Variants in KIF16B observed in about 807,000 individuals in gnomAD.
The protein encoded by KIF16B is kinesin-like protein KIF16B.
In KIF16B, 98 loss-of-function variants were observed where a neutral mutation model predicts 156.3. The ratio of observed to expected loss-of-function variants is 0.63; its 90% CI spans 0.53 to 0.74. KIF16B has a LOEUF of 0.74. Ranked by LOEUF, KIF16B falls within the 30% of genes least tolerant of loss-of-function variation. KIF16B has a pLI of 0.00. For synonymous variants in KIF16B, 564 were observed against 583.7 expected, an observed-to-expected ratio of 0.97 and a Z score of 0.49; for missense variants, 1,421 against 1,606.5, an observed-to-expected ratio of 0.88 and a Z score of 1.97.
chr20:16,467,920 T>G (rs1467569031), intron 12 of KIF16B, among the ~76,000 whole-genome samples: 1 of 152,072 alleles, frequency 6.6e-6, no homozygotes, highest in Non-Finnish European at 1.5e-5. Context: ...AATGCTCAAT[T>G]AAAACCATAA....
intron 19 of KIF16B, among the ~76,000 whole-genome samples, chr20:16,378,123 G>A (rs1284192494): frequency 6.6e-6 from 1 of 152,164 alleles, no homozygotes; most frequent in Non-Finnish European, 1.5e-5. Context: ...ACATGTTGCA[G>A]AAATCAGTAG....
At chr20:16,294,349 G>A (rs2063353508) in intron 25 of KIF16B, among the ~76,000 whole-genome samples, 2 of 152,170 alleles carry the variant, frequency 1.3e-5, no homozygotes, top group Admixed American at 1.3e-4. Flanking sequence ...GCAGTATTGA[G>A]GAGTAATGGT....
At chr20:16,499,291 C>A (rs547480107) in intron 10 of KIF16B, among the ~76,000 whole-genome samples, 6 of 152,310 alleles carry the variant, frequency 3.9e-5, no homozygotes, top group African/African-American at 7.2e-5. Context: ...GCTATGGTTT[C>A]TCAGCTGATA....
intron 10 of KIF16B, among the ~76,000 whole-genome samples, chr20:16,500,783 T>G (rs1285828034): frequency 6.6e-6 from 1 of 152,226 alleles, no homozygotes; most frequent in Non-Finnish European, 1.5e-5. Flanking sequence ...ATGTGTCTTC[T>G]TTAAAAGTTT....
At chr20:16,324,672 C>G (rs959724326) in intron 24 of KIF16B, among the ~76,000 whole-genome samples, 1 of 151,850 alleles carries the variant, frequency 6.6e-6, no homozygotes, top group African/African-American at 2.4e-5. Context: ...AGATCTGGTG[C>G]TTTACACTAA....
chr20:16,556,651 G>A (rs1200476571), intron 1 of KIF16B, among the ~76,000 whole-genome samples: 1 of 152,076 alleles, frequency 6.6e-6, no homozygotes, highest in African/African-American at 2.4e-5. Context: ...GGCCCTATAT[G>A]AGCCACACTT....
At chr20:16,523,968 C>A (rs554510453) in intron 3 of KIF16B, among the ~76,000 whole-genome samples, 3 of 152,202 alleles carry the variant, frequency 2.0e-5, no homozygotes, top group South Asian at 4.2e-4. Context: ...AACTGGCTAG[C>A]CATATGCAGA....
chr20:16,571,691 ACG>A (rs2071459637), intron 1 of KIF16B, among the ~76,000 whole-genome samples: 1 of 150,786 alleles, frequency 6.6e-6, no homozygotes, highest in Admixed American at 6.6e-5. Context: ...GTGCAGAGGC[ACG>A]GTGTCGGCTC....
At chr20:16,329,434 T>C (rs973746479) in intron 24 of KIF16B, among the ~76,000 whole-genome samples, 14 of 152,174 alleles carry the variant, frequency 9.2e-5, no homozygotes, top group African/African-American at 2.9e-4. Flanking sequence ...CTGATTTTAA[T>C]AGAGTCAAAA....
chr20:16,570,255 T>C (rs1177077764), intron 1 of KIF16B, among the ~76,000 whole-genome samples: 1 of 152,176 alleles, frequency 6.6e-6, no homozygotes, highest in African/African-American at 2.4e-5. Context: ...ATATAATCCA[T>C]ATAATAAAAA....
At position 16,292,583 on chromosome 20, in the gene KIF16B, T is replaced by C. The variant is rs1261945727; in HGVS notation, c.3796-19172A>G. On this transcript the variant is annotated intron_variant, in intron 25 of 25. Coordinates refer to ENST00000354981, the MANE Select transcript of KIF16B (RefSeq NM_024704.5). The stretch of plus-strand genomic sequence containing the variant: ...TCTGAAAAAGAGGGAGTTAGGGGAA[T>C]TGATGCATTTGCAAGAAAGCCTACT... Among the ~76,000 whole-genome samples the C allele has an allele frequency of 2.0e-5, 3 of 152,160 alleles. 1 individual carries two copies. In the Middle Eastern group the frequency reaches 0.01, roughly 518 times the overall value.
intron 1 of KIF16B, among the ~76,000 whole-genome samples, chr20:16,568,536 C>T (rs1048971030): frequency 6.6e-6 from 1 of 152,122 alleles, no homozygotes; most frequent in Admixed American, 6.5e-5. Context: ...CCAACTGCAG[C>T]TCTTTCGTGG....
intron 12 of KIF16B, among the ~76,000 whole-genome samples, chr20:16,471,945 C>T (rs1484304471): frequency 6.6e-6 from 1 of 152,154 alleles, no homozygotes; most frequent in East Asian, 1.9e-4. Flanking sequence ...CATATAGCTG[C>T]AAACATTTAA....
chr20:16,410,251 A>C (rs974803837), intron 15 of KIF16B, among the ~76,000 whole-genome samples: 28 of 146,618 alleles, frequency 1.9e-4, no homozygotes, highest in Admixed American at 1.8e-3. Context: ...GTACATATAT[A>C]TATGTCGGTG....
intron 1 of KIF16B, among the ~76,000 whole-genome samples, chr20:16,560,113 T>C (rs557302677): frequency 2.0e-5 from 3 of 152,226 alleles, no homozygotes; most frequent in Admixed American, 1.3e-4. Flanking sequence ...AGCACCTTAA[T>C]TGAATCATCA....
In KIF16B at chr20:16,273,140, T is replaced by G; in HGVS notation, c.*113A>C. On this transcript the variant is annotated 3_prime_UTR_variant, in exon 26 of 26. Transcript: ENST00000354981. ...TGGCCCGGGCCCGCTGCTGCATGTC[T>G]GTCTTCAGCAGGAGGAGGCAGACCC... 3.4e-6 allele frequency: 3 copies of G among 883,660 alleles called. 1 individual carries two copies. The highest frequency in any genetic ancestry group is 3.7e-6 in the Non-Finnish European group (2 of 547,228). 54.7% of individuals were successfully genotyped at this position (883,660 alleles called of 1,614,324 possible).
intron 24 of KIF16B, among the ~76,000 whole-genome samples, chr20:16,320,856 T>G (rs2063762917): frequency 6.6e-6 from 1 of 152,188 alleles, no homozygotes; most frequent in Admixed American, 6.5e-5. Flanking sequence ...AACACATCAT[T>G]TGAAAACTAG....
chr20:16,467,449 T>A (rs1028345559), intron 12 of KIF16B, among the ~76,000 whole-genome samples: 1 of 151,814 alleles, frequency 6.6e-6, no homozygotes, highest in Admixed American at 6.6e-5. Context: ...AGAACCAGGG[T>A]TCCATAATTA....
At chr20:16,518,352 C>G (rs1430248068) in intron 3 of KIF16B, among the ~76,000 whole-genome samples, 1 of 152,174 alleles carries the variant, frequency 6.6e-6, no homozygotes, top group African/African-American at 2.4e-5. Flanking sequence ...ACTGCTCTTC[C>G]CCGCTGGCAT....
Sources: gnomAD v4.1 joint callset for allele counts (sites outside exome capture counted in the v4.1 genomes callset) on GRCh38, gnomAD v4.1.1 for gene constraint, MANE v1.5 for transcripts, NCBI Gene and HGNC (gene_info 2026-07-23, HGNC 2026-07-21) for gene names.